TPH2: variants seen among roughly 807,000 people sequenced by gnomAD.
The protein encoded by TPH2 is tryptophan 5-hydroxylase 2.
Under a neutral mutation model 59.1 loss-of-function variants are expected in TPH2, and 27 were observed. The ratio of observed to expected loss-of-function variants is 0.46; its 90% CI spans 0.34 to 0.63. The LOEUF (loss-of-function observed/expected upper bound fraction) is 0.63. Ranked by LOEUF, TPH2 falls within the 30% of genes least tolerant of loss-of-function variation. The probability of loss-of-function intolerance (pLI) is 0.01; values close to 1 mark genes in which losing one functional copy is unlikely to be tolerated. For synonymous variants in TPH2, 220 were observed against 210.5 expected (o/e 1.05, Z -0.39); for missense variants, 523 against 588.3 (o/e 0.89, Z 1.15).
intron 8 of TPH2, among the ~76,000 whole-genome samples, chr12:72,003,412 T>A (rs990219436): frequency 6.6e-6 from 1 of 152,222 alleles, no homozygotes; most frequent in Non-Finnish European, 1.5e-5. Context: ...TAATATCTAT[T>A]CCAAGTCATT....
intron 5 of TPH2, among the ~76,000 whole-genome samples, chr12:71,956,989 T>C (rs1483963844): frequency 1.3e-5 from 2 of 152,150 alleles, no homozygotes; most frequent in Non-Finnish European, 2.9e-5. Flanking sequence ...CTAATCCCTA[T>C]GAAAGAAGAG....
At chr12:71,974,317 G>A (rs1480476521) in intron 6 of TPH2, among the ~76,000 whole-genome samples, 1 of 152,124 alleles carries the variant, frequency 6.6e-6, no homozygotes, top group African/African-American at 2.4e-5. Context: ...AAAACAACAC[G>A]AGTTATCTCA....
At chr12:71,948,581 A>T (rs1871260689) in intron 4 of TPH2, among the ~76,000 whole-genome samples, 1 of 152,168 alleles carries the variant, frequency 6.6e-6, no homozygotes, top group Admixed American at 6.5e-5. Flanking sequence ...GAGCTGTCTT[A>T]GGTTCAGCAG....
At chr12:71,980,730 G>C (rs554931314) in intron 7 of TPH2, among the ~76,000 whole-genome samples, 1 of 152,144 alleles carries the variant, frequency 6.6e-6, no homozygotes, top group East Asian at 1.9e-4. Context: ...TTGAATAACT[G>C]GCCCTCCTGA....
rs1346046481 is a variant in TPH2, at chr12:71,944,598, T to A, written c.452T>A (p.Val151Glu). The A allele has an allele frequency of 6.2e-7, 1 of 1,613,874 alleles. No homozygotes were observed. Among genetic ancestry groups the A allele is most frequent in the South Asian group, 1.1e-5 (1 of 91,088 alleles). Reference sequence around the variant, plus strand: ...CTGTTTTCAACAGAGCTAGAGGATGTGCCCTGGTTCCCTCGGAAGATCTCT... The same window carrying A: ...CTGTTTTCAACAGAGCTAGAGGATGAGCCCTGGTTCCCTCGGAAGATCTCT... ...IWTEEEELEDVPWFPRKISEL... is the reference protein window; with the variant it reads ...IWTEEEELEDEPWFPRKISEL... The change falls in exon 4 of 11, where the codon GTG becomes GAG. Residue 151 changes from valine (V) to glutamate (E), a missense_variant. Transcript: ENST00000333850.
intron 8 of TPH2, among the ~76,000 whole-genome samples, chr12:72,011,574 C>T (rs1293416554): frequency 6.6e-6 from 1 of 152,178 alleles, no homozygotes; most frequent in Non-Finnish European, 1.5e-5. Context: ...ACAAACTCGT[C>T]CATTCTCTAG....
intron 4 of TPH2, among the ~76,000 whole-genome samples, chr12:71,946,522 C>T (rs1566113264): frequency 3.3e-5 from 5 of 152,168 alleles, no homozygotes; most frequent in South Asian, 2.1e-4. Flanking sequence ...TTCTGTGCAG[C>T]CACTTGAAAT....
intron 7 of TPH2, among the ~76,000 whole-genome samples, chr12:71,980,510 T>G (rs1872245156): frequency 6.6e-6 from 1 of 152,120 alleles, no homozygotes. Context: ...ACATTTTTTT[T>G]TTTAAGCTTT....
At chr12:71,968,783 G>C (rs942986470) in intron 5 of TPH2, among the ~76,000 whole-genome samples, 1 of 152,202 alleles carries the variant, frequency 6.6e-6, no homozygotes, top group Non-Finnish European at 1.5e-5. Flanking sequence ...TGTGGTACAG[G>C]TGGTACAGGA....
chr12:72,019,168 G>A (rs529802410), intron 8 of TPH2, among the ~76,000 whole-genome samples: 22 of 152,184 alleles, frequency 1.4e-4, no homozygotes, highest in African/African-American at 5.3e-4. Context: ...AGGGCTCTGC[G>A]ATATTTACTT....
chr12:72,025,354 A>G (rs1873538603), intron 9 of TPH2, among the ~76,000 whole-genome samples: 1 of 152,156 alleles, frequency 6.6e-6, no homozygotes. Context: ...TTACATAAGT[A>G]TCCACAATCA....
intron 5 of TPH2, chr12:71,964,527 T>G: frequency 1.0e-6 from 1 of 984,694 alleles, no homozygotes; most frequent in Non-Finnish European, 1.2e-6. Context: ...TTTTCCAGTC[T>G]CAGAGGCATA....
Position 72,031,124 on chromosome 12 carries a change from T to C in TPH2, c.1165-134T>C, listed in dbSNP as rs1038509713. ...TTACCCTGCACACAGGAGAGTTCCA[T>C]ATTTCATGACAGACTAGTAACTGAG... On this transcript the variant is annotated intron_variant, in intron 9 of 10. Transcript: ENST00000333850. The C allele has an allele frequency of 3.3e-6, 4 of 1,217,034 alleles. No homozygotes were observed. The African/African-American group carries it at 4.5e-5, about 14-fold the overall frequency. The allele number at this position is 1,217,034 out of a possible 1,614,324, so 75.4% of individuals were successfully genotyped here. A position where few individuals can be genotyped will look rare whatever the true frequency, so the allele number is the denominator to read the frequency against.
At chr12:71,946,708 C>T (rs1319969352) in intron 4 of TPH2, among the ~76,000 whole-genome samples, 2 of 152,090 alleles carry the variant, frequency 1.3e-5, no homozygotes, top group African/African-American at 2.4e-5. Context: ...TGGGAATAAT[C>T]CCAGTCCTGA....
intron 8 of TPH2, among the ~76,000 whole-genome samples, chr12:72,011,183 C>T (rs992888090): frequency 3.3e-5 from 5 of 152,152 alleles, no homozygotes; most frequent in Non-Finnish European, 7.3e-5. Flanking sequence ...AAAGAAGAGC[C>T]AAACTCTGTC....
At chr12:71,955,342 A>G (rs965350066) in intron 5 of TPH2, among the ~76,000 whole-genome samples, 6 of 152,214 alleles carry the variant, frequency 3.9e-5, no homozygotes, top group Admixed American at 3.9e-4. Context: ...TAAGTGGGGC[A>G]TTGCTATACA....
At chr12:72,030,570 C>T (rs150294562) in intron 9 of TPH2, among the ~76,000 whole-genome samples, 3 of 152,246 alleles carry the variant, frequency 2.0e-5, no homozygotes, top group East Asian at 3.9e-4. Flanking sequence ...AGAGTAATTA[C>T]GCCAGCTTTC....
intron 9 of TPH2, among the ~76,000 whole-genome samples, chr12:72,028,744 C>G (rs1361836205): frequency 6.6e-6 from 1 of 152,144 alleles, no homozygotes; most frequent in Non-Finnish European, 1.5e-5. Flanking sequence ...GGAAAGGTCT[C>G]CAGCAGGTAA....
chr12:71,965,279 A>C (rs1871787681), intron 5 of TPH2: 1 of 152,156 alleles, frequency 6.6e-6, no homozygotes, highest in South Asian at 2.1e-4. Flanking sequence ...AGAATGATTT[A>C]TATTCCTCTG....
Sources: gnomAD v4.1 joint callset for allele counts (sites outside exome capture counted in the v4.1 genomes callset) on GRCh38, gnomAD v4.1.1 for gene constraint, MANE v1.5 for transcripts, NCBI Gene and HGNC (gene_info 2026-07-23, HGNC 2026-07-21) for gene names.